The following MAN2C1 variants were observed in gnomAD, a reference collection of about 807,000 sequenced individuals.
MAN2C1 encodes mannosidase alpha class 2C member 1.
In MAN2C1, 111 loss-of-function variants were observed where a neutral mutation model predicts 126.9. The ratio of observed to expected loss-of-function variants is 0.87; its 90% CI spans 0.75 to 1.02. MAN2C1 has a LOEUF of 1.02. Ranked by LOEUF, MAN2C1 falls within the 50% of genes least tolerant of loss-of-function variation. The pLI, the probability that MAN2C1 is intolerant of heterozygous loss-of-function variation, is 0.00. For missense variants in MAN2C1, 1,363 were observed against 1,364.4 expected (o/e 1.00, Z 0.02); for synonymous variants, 567 against 561.5 (o/e 1.01, Z -0.14).
intron 5 of MAN2C1, 56 bp downstream of exon 5, chr15:75,364,432 A>G: frequency 6.8e-7 from 1 of 1,470,968 alleles, no homozygotes; most frequent in Non-Finnish European, 9.0e-7. Context: ...CCAAAGAACA[A>G]CCTTCTTGGA....
In MAN2C1 at chr15:75,366,604, G is replaced by T; in HGVS notation, c.352-12C>A. 6.2e-7 allele frequency: 1 copy of T among 1,602,268 alleles called. No homozygotes were observed. Among genetic ancestry groups the T allele is most frequent in the East Asian group, 2.2e-5 (1 of 44,536 alleles). On this transcript the variant is annotated splice_polypyrimidine_tract_variant and intron_variant, in intron 3 of 25. Coordinates refer to ENST00000267978, the MANE Select transcript of MAN2C1 (RefSeq NM_006715.4). ...TCTTTGGTTAAACCCTAGTAGGGAG[G>T]GGAGTGAGAGAGACAAGGCTTGAGG...
At position 75,367,648 on chromosome 15, in the gene MAN2C1, G is replaced by A. The variant is rs1294747673; in HGVS notation, c.228-14C>T. On this transcript the variant is annotated splice_polypyrimidine_tract_variant and intron_variant, in intron 2 of 25. Coordinates refer to ENST00000267978, the MANE Select transcript of MAN2C1 (RefSeq NM_006715.4). The stretch of plus-strand genomic sequence containing the variant: ...CAGGTCCACCATCTGCAAGAGAGCT[G>A]TTGTGATAGGCCTAGAGGTAGAAGT... 1.9e-6 allele frequency: 3 copies of A among 1,614,086 alleles called. No homozygotes were observed. The highest frequency in any genetic ancestry group is 2.2e-5 in the East Asian group (1 of 44,890).
intron 21 of MAN2C1, chr15:75,357,870 C>G (rs1225697783): frequency 3.4e-6 from 1 of 290,994 alleles, no homozygotes; most frequent in African/African-American, 2.2e-5. Flanking sequence ...CCACCCACCT[C>G]AGCCTCCCAA....
chr15:75,356,496 C>T lies in MAN2C1; in HGVS notation c.2738-47G>A, dbSNP rs1291436357. 1.3e-6 allele frequency: 2 copies of T among 1,566,544 alleles called. No individual in the cohort carries two copies. Among genetic ancestry groups the T allele is most frequent in the African/African-American group, 1.3e-5 (1 of 74,322 alleles). On this transcript the variant is annotated intron_variant, in intron 23 of 25. Transcript: ENST00000267978. The surrounding 1 kb of genome is among the most constrained non-coding windows in gnomAD (Gnocchi z 5.8). ...ATGCTGGTGGAGAATGGGGGCTACC[C>T]TCCCCTGTCCCTAGAAGGGGCAGGA...
At chr15:75,359,470 A>G (rs2072420681) in intron 16 of MAN2C1, 45 bp from the exon 17 acceptor site, 1 of 1,589,838 alleles carries the variant, frequency 6.3e-7, no homozygotes, top group Non-Finnish European at 8.6e-7. Context: ...CTGACCTTTC[A>G]GGAAGCTTGC....
At chr15:75,360,911 T>G in intron 12 of MAN2C1, 135 bp downstream of exon 12, 1 of 1,279,828 alleles carries the variant, frequency 7.8e-7, no homozygotes. Context: ...AGGGTGGAAG[T>G]TTGGAGGAAC....
chr15:75,361,539 A>G lies in MAN2C1; in HGVS notation c.1218+65T>C. 4 of 1,361,726 alleles carry G rather than the reference A, an allele frequency of 2.9e-6. No individual in the cohort carries two copies. The South Asian group carries it at 4.7e-5, about 16-fold the overall frequency. 84.4% of individuals were successfully genotyped at this position (1,361,726 alleles called of 1,614,324 possible). ...TGTCTAGGACCCCACAATAAGGGGGAGAGGCAAATGGGCCAGGCGGGACTG... is the reference window on the plus strand; with the variant it reads ...TGTCTAGGACCCCACAATAAGGGGGGGAGGCAAATGGGCCAGGCGGGACTG... On this transcript the variant is annotated intron_variant, in intron 10 of 25. Transcript: ENST00000267978. This position sits in a 1 kb window ranked among gnomAD's most constrained non-coding sequence, Gnocchi z 5.0.
intron 6 of MAN2C1, chr15:75,363,731 G>C (rs1180037999): frequency 7.4e-6 from 3 of 403,786 alleles, no homozygotes; most frequent in Non-Finnish European, 1.3e-5. Context: ...GCCTGAACCC[G>C]GGAGGCAGAG....
In MAN2C1 at chr15:75,362,879, C is replaced by A; in HGVS notation, c.791-131G>T. Reference sequence around the variant, plus strand: ...CCCTGGAAAGCCCTGTGGTGTCCCTCCTAAGTGGTCACTTCACTTCACTCC... The same window carrying A: ...CCCTGGAAAGCCCTGTGGTGTCCCTACTAAGTGGTCACTTCACTTCACTCC... On this transcript the variant is annotated intron_variant, in intron 6 of 25. Transcript: ENST00000267978. This position sits in a 1 kb window ranked among gnomAD's most constrained non-coding sequence, Gnocchi z 4.5. 1 of 724,450 alleles carries A rather than the reference C, an allele frequency of 1.4e-6. No individual in the cohort carries two copies. Among genetic ancestry groups the A allele is most frequent in the South Asian group, 1.7e-5 (1 of 58,166 alleles). 44.9% of individuals were successfully genotyped at this position (724,450 alleles called of 1,614,324 possible).
At position 75,356,909 on chromosome 15, in the gene MAN2C1, G is replaced by A. The variant is rs1336901139; in HGVS notation, c.2548-7C>T. On this transcript the variant is annotated splice_region_variant and splice_polypyrimidine_tract_variant and intron_variant, in intron 21 of 25. Coordinates refer to ENST00000267978, the MANE Select transcript of MAN2C1 (RefSeq NM_006715.4). This position sits in a 1 kb window ranked among gnomAD's most constrained non-coding sequence, Gnocchi z 5.8. ...TCCAGCGATGGGCCCACACCTGGAG[G>A]GCAGATCCAAGACCCACTTGGTGGC... The A allele has an allele frequency of 3.1e-6, 5 of 1,612,892 alleles. No homozygotes were observed. The highest frequency in any genetic ancestry group is 2.2e-5 in the South Asian group (2 of 91,060).
chr15:75,368,326 C>T (rs1391203626), intron 1 of MAN2C1, 128 bp from the exon 2 acceptor site: 3 of 1,430,100 alleles, frequency 2.1e-6, no homozygotes, highest in African/African-American at 1.4e-5. Context: ...CTCCGCGGCA[C>T]AGTCCATTCC....
At chr15:75,365,359 A>G (rs2072553507) in intron 4 of MAN2C1, among the ~76,000 whole-genome samples, 2 of 152,202 alleles carry the variant, frequency 1.3e-5, no homozygotes, top group Admixed American at 1.3e-4. Flanking sequence ...AGTGTTTTTA[A>G]TGGTGTCATA....
At position 75,363,991 on chromosome 15, in the gene MAN2C1, T is replaced by A; in HGVS notation, c.790+8A>T. ...TTCCCCAGCCAGCCCAACCAGCTGCTGTCCTACCTGTATCAATGTGGCAGT... is the reference window on the plus strand; with the variant it reads ...TTCCCCAGCCAGCCCAACCAGCTGCAGTCCTACCTGTATCAATGTGGCAGT... On this transcript the variant is annotated splice_region_variant and intron_variant, in intron 6 of 25. Coordinates refer to ENST00000267978, the MANE Select transcript of MAN2C1 (RefSeq NM_006715.4). 6.2e-7 allele frequency: 1 copy of A among 1,612,676 alleles called. No individual in the cohort carries two copies. Among genetic ancestry groups the A allele is most frequent in the Non-Finnish European group, 8.5e-7 (1 of 1,179,544 alleles).
At position 75,358,440 on chromosome 15, in the gene MAN2C1, C is replaced by A. The variant is rs955896084; in HGVS notation, c.2403+22G>T. 5 of 1,612,952 alleles carry A rather than the reference C, an allele frequency of 3.1e-6. No homozygotes were observed. In the Admixed American group the frequency reaches 8.3e-5, roughly 27 times the overall value. On this transcript the variant is annotated intron_variant, in intron 20 of 25. Transcript: ENST00000267978. Reference sequence around the variant, plus strand: ...TACCAAGCACACTTGGGGAAAACAGCCACCCCCTACCCCCCGACTACCTCG... The same window carrying A: ...TACCAAGCACACTTGGGGAAAACAGACACCCCCTACCCCCCGACTACCTCG...
chr15:75,368,156 G>A lies in MAN2C1; in HGVS notation c.144C>T (p.Phe48=). 1.2e-6 allele frequency: 2 copies of A among 1,604,550 alleles called. No individual in the cohort carries two copies. The highest frequency in any genetic ancestry group is 1.7e-6 in the Non-Finnish European group (2 of 1,177,074). The change falls in exon 2 of 26, where the codon TTC becomes TTT. Residue 48 remains phenylalanine, a synonymous_variant. Coordinates refer to ENST00000267978, the MANE Select transcript of MAN2C1 (RefSeq NM_006715.4). ...ASCPVAVLSS[F]LTPERLPYQE... ...GGTAGGGAAGTCTCTCCGGCGTCAGGAAGCTGGAGAGCACAGCCACAGGGC... is the reference window on the plus strand; with the variant it reads ...GGTAGGGAAGTCTCTCCGGCGTCAGAAAGCTGGAGAGCACAGCCACAGGGC...
Position 75,361,964 on chromosome 15 carries a change from T to C in MAN2C1, c.1009-17A>G, listed in dbSNP as rs1279256682. 3.7e-6 allele frequency: 6 copies of C among 1,601,752 alleles called. No homozygotes were observed. Among genetic ancestry groups the C allele is most frequent in the Non-Finnish European group, 8.6e-7 (1 of 1,169,108 alleles). The stretch of plus-strand genomic sequence containing the variant: ...GTTCCCATCCTGGCAGTGAAGGAAG[T>C]GGGAGGCAGCCCAGGTCAGCGCTGG... On this transcript the variant is annotated splice_polypyrimidine_tract_variant and intron_variant, in intron 8 of 25. Coordinates refer to ENST00000267978, the MANE Select transcript of MAN2C1 (RefSeq NM_006715.4). The surrounding 1 kb of genome is among the most constrained non-coding windows in gnomAD (Gnocchi z 5.0).
Position 75,361,786 on chromosome 15 carries a change from C to A in MAN2C1, c.1102-66G>T, listed in dbSNP as rs2072475112. ...CCAGGCGGACTCACCCCAGCCTCAG[C>A]CCCTCAGCACTCCAAGTCGAGCGCC... On this transcript the variant is annotated intron_variant, in intron 9 of 25. Coordinates refer to ENST00000267978, the MANE Select transcript of MAN2C1 (RefSeq NM_006715.4). This position sits in a 1 kb window ranked among gnomAD's most constrained non-coding sequence, Gnocchi z 5.0. 3 of 1,589,578 alleles carry A rather than the reference C, an allele frequency of 1.9e-6. No individual in the cohort carries two copies. The highest frequency in any genetic ancestry group is 3.3e-5 in the Admixed American group (2 of 59,976).
At position 75,356,506 on chromosome 15, in the gene MAN2C1, C is replaced by T. The variant is rs2072306499; in HGVS notation, c.2738-57G>A. ...AGAATGGGGGCTACCCTCCCCTGTC[C>T]CTAGAAGGGGCAGGAAGCCAGGTTG... is the stretch of plus-strand genomic sequence containing the variant. On this transcript the variant is annotated intron_variant, in intron 23 of 25. Coordinates refer to ENST00000267978, the MANE Select transcript of MAN2C1 (RefSeq NM_006715.4). The surrounding 1 kb of genome is among the most constrained non-coding windows in gnomAD (Gnocchi z 5.8). 6.4e-7 allele frequency: 1 copy of T among 1,562,900 alleles called. No individual in the cohort carries two copies. Among genetic ancestry groups the T allele is most frequent in the South Asian group, 1.2e-5 (1 of 85,168 alleles).
At position 75,361,285 on chromosome 15, in the gene MAN2C1, C is replaced by G. The variant is rs2072463464; in HGVS notation, c.1314+1G>C. 6.4e-7 allele frequency: 1 copy of G among 1,572,160 alleles called. No individual in the cohort carries two copies. Among genetic ancestry groups the G allele is most frequent in the Non-Finnish European group, 8.6e-7 (1 of 1,158,404 alleles). On this transcript the variant is annotated splice_donor_variant, in intron 11 of 25. Coordinates refer to ENST00000267978, the MANE Select transcript of MAN2C1 (RefSeq NM_006715.4). LOFTEE classifies it high-confidence loss of function. This position sits in a 1 kb window ranked among gnomAD's most constrained non-coding sequence, Gnocchi z 5.0. ...CCCCACCACCCTAGGTGACCCCTCA[C>G]CTCCTCCACGCTGCCCTGCATCCCA...
Sources: gnomAD v4.1 joint callset for allele counts (sites outside exome capture counted in the v4.1 genomes callset) on GRCh38, gnomAD v4.1.1 for gene constraint, Gnocchi (gnomAD v3.1) non-coding constraint, MANE v1.5 for transcripts, NCBI Gene and HGNC (gene_info 2026-07-23, HGNC 2026-07-21) for gene names.